BSDC1: variants seen among roughly 807,000 people sequenced by gnomAD.
BSDC1 encodes BSD domain-containing protein 1.
In BSDC1, 29 loss-of-function variants were observed where a neutral mutation model predicts 56.0. The observed-to-expected ratio is 0.52, with a 90% CI of 0.39 to 0.71. The LOEUF (loss-of-function observed/expected upper bound fraction) is 0.71. Ranked by LOEUF, BSDC1 falls within the 30% of genes least tolerant of loss-of-function variation. The pLI, the probability that BSDC1 is intolerant of heterozygous loss-of-function variation, is 0.00. For synonymous variants in BSDC1, 210 were observed against 215.3 expected (o/e 0.98, Z 0.21); for missense variants, 477 against 548.5 (o/e 0.87, Z 1.30).
intron 9 of BSDC1, among the ~76,000 whole-genome samples, chr1:32,374,092 T>G (rs1231993334): frequency 6.6e-6 from 1 of 152,170 alleles, no homozygotes; most frequent in African/African-American, 2.4e-5. Context: ...ACTGGGTGGG[T>G]CACTGATCTC....
At chr1:32,373,026 C>G (rs1033102052) in intron 9 of BSDC1, among the ~76,000 whole-genome samples, 1 of 152,308 alleles carries the variant, frequency 6.6e-6, no homozygotes, top group East Asian at 1.9e-4. Context: ...ACCCTGGGAA[C>G]CAGTAAAACC....
At chr1:32,382,867 CAAAAAAAA>C (rs760141230) in intron 4 of BSDC1, among the ~76,000 whole-genome samples, 4 of 47,106 alleles carry the variant, frequency 8.5e-5, no homozygotes, top group Non-Finnish European at 1.3e-4. Context: ...GAGACCGTCT[CAAAAAAAA>C]AAAAAAAAAA....
chr1:32,393,366 C>T (rs1044394666), intron 2 of BSDC1, among the ~76,000 whole-genome samples: 5 of 152,214 alleles, frequency 3.3e-5, no homozygotes, highest in African/African-American at 1.2e-4. Flanking sequence ...ATAGCCCCTA[C>T]TTAGAACTCA....
chr1:32,380,997 G>A (rs1272509248), intron 5 of BSDC1, among the ~76,000 whole-genome samples: 1 of 152,034 alleles, frequency 6.6e-6, no homozygotes, highest in African/African-American at 2.4e-5. Context: ...GGATGAGAGG[G>A]GCCAAGTCCC....
At chr1:32,367,842 T>A in intron 10 of BSDC1, 1 of 974,352 alleles carries the variant, frequency 1.0e-6, no homozygotes, top group Non-Finnish European at 1.2e-6. Context: ...TCATTACAGC[T>A]TATAGCCAGG....
intron 9 of BSDC1, among the ~76,000 whole-genome samples, chr1:32,369,774 A>C (rs1642002102): frequency 6.6e-6 from 1 of 152,150 alleles, no homozygotes; most frequent in Non-Finnish European, 1.5e-5. Context: ...GCAACCCATC[A>C]TCACCCTCAC....
At position 32,381,781 on chromosome 1, in the gene BSDC1, G is replaced by A. The variant is rs184591678; in HGVS notation, c.358-513C>T. 1.0e-3 allele frequency among the ~76,000 whole-genome samples: 158 copies of A among 152,300 alleles called. 1 individual carries two copies. The highest frequency in any genetic ancestry group is 1.8e-3 in the Non-Finnish European group (125 of 68,038). On this transcript the variant is annotated intron_variant, in intron 4 of 10. Coordinates refer to ENST00000455895, the MANE Select transcript of BSDC1 (RefSeq NM_018045.8). ...CTTCCTCAGTATTGCAGGAAGCATG[G>A]GCTATGTGTAAGCGGTCTGGTGATA...
At position 32,376,405 on chromosome 1, in the gene BSDC1, G is replaced by A. The variant is rs376175900; in HGVS notation, c.1013C>T (p.Thr338Met). The A allele has an allele frequency of 1.4e-5, 22 of 1,613,716 alleles. No homozygotes were observed. Among genetic ancestry groups the A allele is most frequent in the Middle Eastern group, 1.6e-4 (1 of 6,080 alleles). Reference protein sequence around the residue: ...PSPPIHSKPLTPAGHTGGPEP... With the variant: ...PSPPIHSKPLMPAGHTGGPEP... ...TGGGCCGCCGGTGTGGCCAGCAGGCGTTAGGGGCTTGGAGTGAATAGGGGG... is the reference window on the plus strand; with the variant it reads ...TGGGCCGCCGGTGTGGCCAGCAGGCATTAGGGGCTTGGAGTGAATAGGGGG... The change falls in exon 9 of 11, where the codon ACG becomes ATG. Residue 338 changes from threonine (T) to methionine (M), a missense_variant. Coordinates refer to ENST00000455895, the MANE Select transcript of BSDC1 (RefSeq NM_018045.8).
chr1:32,369,250 A>T (rs1319244155), intron 9 of BSDC1: 1 of 1,289,592 alleles, frequency 7.8e-7, no homozygotes, highest in Non-Finnish European at 1.0e-6. Context: ...GCAGGTTACT[A>T]AAGAGCGGAG....
At position 32,376,722 on chromosome 1, in the gene BSDC1, T is replaced by C. The variant is rs1642301864; in HGVS notation, c.696A>G (p.Ser232=). Residue 232 remains serine (S), a synonymous_variant, in exon 9 of 11, where the codon TCA becomes TCG. Transcript: ENST00000455895. The part of the protein sequence containing the change: ...EEEEEELMGI[S]PISPKEAKVP... ...CCTTTGCCTCTTTTGGAGATATGGG[T>C]GAAATGCCCATGAGCTCCTCTGTAG... 1 of 1,414,694 alleles carries C rather than the reference T, an allele frequency of 7.1e-7. No individual in the cohort carries two copies. The highest frequency in any genetic ancestry group is 1.4e-5 in the African/African-American group (1 of 70,546). 87.6% of individuals were successfully genotyped at this position (1,414,694 alleles called of 1,614,324 possible). A position where few individuals can be genotyped will look rare whatever the true frequency, so the allele number is the denominator to read the frequency against.
intron 2 of BSDC1, among the ~76,000 whole-genome samples, chr1:32,391,734 C>G (rs1005155585): frequency 5.9e-5 from 9 of 151,982 alleles, no homozygotes; most frequent in African/African-American, 1.9e-4. Context: ...GCAATGTGTT[C>G]TAAGGAGTGC....
Position 32,386,764 on chromosome 1 carries a change from T to C in BSDC1, c.189+15A>G. The C allele has an allele frequency of 1.9e-6, 3 of 1,609,196 alleles. No homozygotes were observed. The highest frequency in any genetic ancestry group is 2.5e-6 in the Non-Finnish European group (3 of 1,176,678). ...GCGAGGGGCAGTTACTTGGGAGGGT[T>C]TGGGTGGTACTCACAGCCAGCTTCT... is the stretch of plus-strand genomic sequence containing the variant. On this transcript the variant is annotated intron_variant, in intron 3 of 10. Transcript: ENST00000455895.
intron 9 of BSDC1, among the ~76,000 whole-genome samples, chr1:32,374,270 A>C (rs1041666043): frequency 3.9e-5 from 6 of 152,368 alleles, no homozygotes; most frequent in Middle Eastern, 6.8e-3. Context: ...TCCCCAAAGC[A>C]GGGCTCTACT....
intron 9 of BSDC1, among the ~76,000 whole-genome samples, chr1:32,375,337 C>A (rs1642241526): frequency 6.6e-6 from 1 of 151,776 alleles, no homozygotes; most frequent in Non-Finnish European, 1.5e-5. Flanking sequence ...GCAGGCCAGG[C>A]CTTACCTGCT....
intron 9 of BSDC1, among the ~76,000 whole-genome samples, chr1:32,374,533 A>G: frequency 6.6e-6 from 1 of 152,212 alleles, no homozygotes; most frequent in East Asian, 1.9e-4. Context: ...TTTCTGAGTC[A>G]ACCCACTCAC....
At chr1:32,367,853 T>A in intron 10 of BSDC1, 1 of 989,418 alleles carries the variant, frequency 1.0e-6, no homozygotes, top group Non-Finnish European at 1.2e-6. Flanking sequence ...TATAGCCAGG[T>A]CTTATAATGA....
In BSDC1 at chr1:32,378,634, A is replaced by G; in HGVS notation, c.528+90T>C. The G allele has an allele frequency of 1.1e-6, 1 of 932,190 alleles. No homozygotes were observed. The highest frequency in any genetic ancestry group is 1.6e-6 in the Non-Finnish European group (1 of 633,756). 57.7% of individuals were successfully genotyped at this position (932,190 alleles called of 1,614,324 possible). Reference sequence around the variant, plus strand: ...AGCCTCCCAGTGCTCTCCGGGCCAGATGACTCTGCAGTGACTCTGAACATG... The same window carrying G: ...AGCCTCCCAGTGCTCTCCGGGCCAGGTGACTCTGCAGTGACTCTGAACATG... On this transcript the variant is annotated intron_variant, in intron 6 of 10. Transcript: ENST00000455895. This position sits in a 1 kb window ranked among gnomAD's most constrained non-coding sequence, Gnocchi z 5.2.
intron 2 of BSDC1, among the ~76,000 whole-genome samples, chr1:32,387,934 G>A (rs1313353552): frequency 2.0e-5 from 3 of 152,148 alleles, no homozygotes; most frequent in African/African-American, 4.8e-5. Flanking sequence ...CTACCATCCC[G>A]AGGTTCTATT....
chr1:32,371,138 T>C (rs1224169782), intron 9 of BSDC1, among the ~76,000 whole-genome samples: 2 of 152,098 alleles, frequency 1.3e-5, no homozygotes, highest in Non-Finnish European at 2.9e-5. Context: ...ATAAAGCATG[T>C]ACAGTAAGAT....
Sources: gnomAD v4.1 joint callset for allele counts (sites outside exome capture counted in the v4.1 genomes callset) on GRCh38, gnomAD v4.1.1 for gene constraint, Gnocchi (gnomAD v3.1) non-coding constraint, MANE v1.5 for transcripts, NCBI Gene and HGNC (gene_info 2026-07-23, HGNC 2026-07-21) for gene names.